GRM1: variants seen among roughly 807,000 people sequenced by gnomAD.
GRM1 encodes the protein metabotropic glutamate receptor 1.
In GRM1, 33 loss-of-function variants were observed where a neutral mutation model predicts 90.9. That is an observed-to-expected ratio of 0.36 (90% CI 0.28 to 0.49). The LOEUF is 0.49. Ranked by LOEUF, GRM1 falls within the 20% of genes least tolerant of loss-of-function variation. GRM1 has a pLI of 0.99. For synonymous variants in GRM1, 700 were observed against 613.2 expected (o/e 1.14, Z -2.09); for missense variants, 1,190 against 1,534.3 (o/e 0.78, Z 3.75).
At chr6:146,342,225 A>G (rs185292267) in intron 3 of GRM1, among the ~76,000 whole-genome samples, 1 of 152,330 alleles carries the variant, frequency 6.6e-6, no homozygotes, top group Admixed American at 6.5e-5. Flanking sequence ...GCAGTGATGA[A>G]CAAAGCATCT....
chr6:146,401,773 G>A (rs905858474), intron 7 of GRM1, among the ~76,000 whole-genome samples: 1 of 152,164 alleles, frequency 6.6e-6, no homozygotes, highest in Non-Finnish European at 1.5e-5. Context: ...TTGTGTTGGT[G>A]CCCAGGAATA....
intron 1 of GRM1, among the ~76,000 whole-genome samples, chr6:146,148,595 T>C (rs1777200340): frequency 1.3e-5 from 2 of 152,190 alleles, no homozygotes; most frequent in Admixed American, 1.3e-4. Context: ...TTCTAATATG[T>C]GCTGTGATAA....
intron 5 of GRM1, among the ~76,000 whole-genome samples, chr6:146,385,350 A>C (rs1776464270): frequency 6.6e-6 from 1 of 152,040 alleles, no homozygotes; most frequent in Non-Finnish European, 1.5e-5. Context: ...AGCAAAAATA[A>C]TAATAATAAT....
chr6:146,372,649 T>A (rs189609980), intron 5 of GRM1, among the ~76,000 whole-genome samples: 148 of 144,974 alleles, frequency 1.0e-3, no homozygotes, highest in African/African-American at 4.1e-3. Flanking sequence ...TGGGGAGAGG[T>A]AGGGGTCTAG....
At chr6:146,138,303 C>T (rs539058871) in intron 1 of GRM1, among the ~76,000 whole-genome samples, 5 of 151,798 alleles carry the variant, frequency 3.3e-5, no homozygotes, top group Non-Finnish European at 5.9e-5. Context: ...AGTTGCATAT[C>T]GTTTTTATTA....
chr6:146,181,234 A>T, intron 2 of GRM1, among the ~76,000 whole-genome samples: 1 of 135,990 alleles, frequency 7.4e-6, no homozygotes, highest in South Asian at 2.1e-4. Flanking sequence ...ATAACTTGCC[A>T]CCTTTAAAAA....
intron 3 of GRM1, among the ~76,000 whole-genome samples, chr6:146,326,791 G>A (rs566059971): frequency 6.6e-6 from 1 of 152,186 alleles, no homozygotes; most frequent in African/African-American, 2.4e-5. Context: ...TGTGTTTTAT[G>A]CATTAATACA....
chr6:146,111,908 G>T (rs1775576169), intron 1 of GRM1, among the ~76,000 whole-genome samples: 1 of 152,124 alleles, frequency 6.6e-6, no homozygotes, highest in African/African-American at 2.4e-5. Flanking sequence ...TTTTTATTCT[G>T]CTTTCATATG....
chr6:146,246,083 A>T (rs1181951988), intron 2 of GRM1, among the ~76,000 whole-genome samples: 1 of 152,236 alleles, frequency 6.6e-6, no homozygotes, highest in East Asian at 1.9e-4. Context: ...CAACAACAAC[A>T]AATGAACAGG....
chr6:146,087,867 G>A (rs1776597067), intron 1 of GRM1, among the ~76,000 whole-genome samples: 1 of 152,084 alleles, frequency 6.6e-6, no homozygotes, highest in African/African-American at 2.4e-5. Context: ...GTTGTTACCA[G>A]TTTTTGGATA....
intron 1 of GRM1, among the ~76,000 whole-genome samples, chr6:146,103,313 G>T (rs1390037114): frequency 1.3e-5 from 2 of 152,168 alleles, no homozygotes; most frequent in African/African-American, 4.8e-5. Context: ...GCTATTGACA[G>T]TGTCACTCTT....
chr6:146,227,557 C>T (rs1268439486), intron 2 of GRM1, among the ~76,000 whole-genome samples: 2 of 152,064 alleles, frequency 1.3e-5, no homozygotes, highest in Admixed American at 1.3e-4. Context: ...ACTAAGAAAT[C>T]TTAGAAGAGA....
chr6:146,399,434 C>A lies in GRM1; in HGVS notation c.2395C>A (p.Leu799Ile). ...FTMYTTCIIW[L>I]AFVPIYFGSN... ...CATGTACACCACCTGTATCATCTGGCTAGCTTTTGTGCCCATTTACTTTGG... is the reference window on the plus strand; with the variant it reads ...CATGTACACCACCTGTATCATCTGGATAGCTTTTGTGCCCATTTACTTTGG... The change falls in exon 7 of 8, where the codon CTA becomes ATA. Residue 799 changes from leucine (L) to isoleucine (I), a missense_variant. By Grantham distance (5) the Leu-to-Ile change is conservative (BLOSUM62 2). This residue lies in a region of GRM1 where 73 missense variants were observed against 150.6 expected (regional missense o/e 0.48). Transcript: ENST00000282753. The surrounding 1 kb of genome is among the most constrained non-coding windows in gnomAD (Gnocchi z 5.4). 1 of 1,614,182 alleles carries A rather than the reference C, an allele frequency of 6.2e-7. No individual in the cohort carries two copies. The highest frequency in any genetic ancestry group is 8.5e-7 in the Non-Finnish European group (1 of 1,180,024).
rs575049128 is a variant in GRM1, at chr6:146,281,312, G to T, written c.951-23299G>T. On this transcript the variant is annotated intron_variant, in intron 2 of 7. Transcript: ENST00000282753. Reference sequence around the variant, plus strand: ...ACCACAGCTCTGCTCCTGACTAGTTGTAAGATTTTGGTACATTACTTAGCA... The same window carrying T: ...ACCACAGCTCTGCTCCTGACTAGTTTTAAGATTTTGGTACATTACTTAGCA... Among the ~76,000 whole-genome samples the T allele has an allele frequency of 7.9e-5, 12 of 152,260 alleles. No homozygotes were observed. In the East Asian group the frequency reaches 2.3e-3, roughly 30 times the overall value.
At chr6:146,349,715 C>A (rs1032663045) in intron 3 of GRM1, among the ~76,000 whole-genome samples, 5 of 152,016 alleles carry the variant, frequency 3.3e-5, no homozygotes, top group Middle Eastern at 3.4e-3. Flanking sequence ...CATAATACCC[C>A]ATTGAAAAAA....
chr6:146,417,276 G>C (rs563676378), intron 7 of GRM1, among the ~76,000 whole-genome samples: 12 of 152,146 alleles, frequency 7.9e-5, no homozygotes, highest in Non-Finnish European at 1.3e-4. Flanking sequence ...TCTTCCAGTG[G>C]TTTAAAAAAA....
chr6:146,198,162 A>T (rs1779183656), intron 2 of GRM1, among the ~76,000 whole-genome samples: 1 of 152,232 alleles, frequency 6.6e-6, no homozygotes, highest in Non-Finnish European at 1.5e-5. Context: ...TATCAATTAT[A>T]CCTCAATAAA....
chr6:146,270,849 T>TTCTTTC (rs1275422494), intron 2 of GRM1, among the ~76,000 whole-genome samples: 5 of 91,692 alleles, frequency 5.5e-5, no homozygotes, highest in East Asian at 3.7e-4. Context: ...CTTTCTTTCT[T>TTCTTTC]TTTCTTTCTT....
chr6:146,424,667 C>G (rs549076411), intron 7 of GRM1, among the ~76,000 whole-genome samples: 1 of 152,318 alleles, frequency 6.6e-6, no homozygotes, highest in East Asian at 1.9e-4. Flanking sequence ...TGTTCTGGTT[C>G]CAGGCCCGTG....
Sources: gnomAD v4.1 joint callset for allele counts (sites outside exome capture counted in the v4.1 genomes callset) on GRCh38, gnomAD v4.1.1 for gene constraint, gnomAD v4.1.1 regional missense constraint, Gnocchi (gnomAD v3.1) non-coding constraint, MANE v1.5 for transcripts, NCBI Gene and HGNC (gene_info 2026-07-23, HGNC 2026-07-21) for gene names.